KSR2: variants seen among roughly 807,000 people sequenced by gnomAD.
KSR2 encodes kinase suppressor of ras 2.
KSR2 carries 25 observed loss-of-function variants against 107.8 expected under a neutral mutation model. The ratio of observed to expected loss-of-function variants is 0.23; its 90% CI spans 0.17 to 0.32. The LOEUF (loss-of-function observed/expected upper bound fraction) is 0.32. KSR2 is among the 10% of genes least tolerant of loss of function. The probability of loss-of-function intolerance (pLI) is 1.00; values close to 1 mark genes in which losing one functional copy is unlikely to be tolerated. For missense variants in KSR2, 887 were observed against 1,268.9 expected (o/e 0.70, Z 4.57); for synonymous variants, 480 against 507.0 (o/e 0.95, Z 0.71).
chr12:117,578,056 G>A (rs540533968), intron 7 of KSR2, among the ~76,000 whole-genome samples: 1 of 152,132 alleles, frequency 6.6e-6, no homozygotes, highest in Non-Finnish European at 1.5e-5. Flanking sequence ...TTGAATGGGG[G>A]TGTGGAAGAG....
At chr12:117,631,772 A>T (rs1031666926) in intron 5 of KSR2, among the ~76,000 whole-genome samples, 1 of 152,238 alleles carries the variant, frequency 6.6e-6, no homozygotes, top group Admixed American at 6.5e-5. Context: ...ATTATTTATC[A>T]AATGAAATAA....
chr12:117,857,921 G>A (rs1018121146), intron 2 of KSR2, among the ~76,000 whole-genome samples: 10 of 152,246 alleles, frequency 6.6e-5, no homozygotes, highest in African/African-American at 1.7e-4. Context: ...GTCTTCTCCC[G>A]CCCACTCCCT....
At chr12:117,697,482 C>T (rs543283116) in intron 4 of KSR2, among the ~76,000 whole-genome samples, 41 of 152,322 alleles carry the variant, frequency 2.7e-4, no homozygotes, top group Non-Finnish European at 5.0e-4. Context: ...GTGGCCCATG[C>T]CTGTAACCCT....
At chr12:117,730,468 TC>T (rs1237490247) in intron 4 of KSR2, among the ~76,000 whole-genome samples, 1 of 13,342 alleles carries the variant, frequency 7.5e-5, no homozygotes, top group Non-Finnish European at 1.5e-4. Context: ...CTCCCTCGTC[TC>T]CCCTCTCCCT....
intron 1 of KSR2, among the ~76,000 whole-genome samples, chr12:117,871,372 T>A (rs1172900575): frequency 3.9e-5 from 6 of 152,070 alleles, no homozygotes. Context: ...GAGGATCACT[T>A]GAGGTCAGGA....
chr12:117,667,453 C>T (rs773501216), intron 5 of KSR2, 21 bp downstream of exon 5: 46 of 1,602,076 alleles, frequency 2.9e-5, no homozygotes, highest in Middle Eastern at 3.6e-4. Context: ...GTTCCCAGTG[C>T]AGCCCGGCAG....
chr12:117,526,312 G>T (rs1875161681), intron 13 of KSR2, among the ~76,000 whole-genome samples: 1 of 152,184 alleles, frequency 6.6e-6, no homozygotes, highest in Non-Finnish European at 1.5e-5. Flanking sequence ...TTGCCTCTTG[G>T]ATTCTCCTGC....
Position 117,574,161 on chromosome 12 carries a change from C to T in KSR2, c.1325+4958G>A, listed in dbSNP as rs373501923. Reference sequence around the variant, plus strand: ...AGGAGTCTGCCCCAGAGGTATTGAACCTGAGATTCTAGGAGTGGAGCCCAG... The same window carrying T: ...AGGAGTCTGCCCCAGAGGTATTGAATCTGAGATTCTAGGAGTGGAGCCCAG... On this transcript the variant is annotated intron_variant, in intron 7 of 19. Coordinates refer to ENST00000339824, the MANE Select transcript of KSR2 (RefSeq NM_173598.6). Among the ~76,000 whole-genome samples the T allele has an allele frequency of 2.4e-4, 37 of 151,950 alleles. No individual in the cohort carries two copies. In the Middle Eastern group the frequency reaches 0.017, roughly 70 times the overall value.
chr12:117,760,820 G>A (rs1036339819), intron 4 of KSR2, among the ~76,000 whole-genome samples, 191 bp downstream of exon 4: 3 of 152,102 alleles, frequency 2.0e-5, no homozygotes, highest in East Asian at 1.9e-4. Flanking sequence ...TTTTTTAAAC[G>A]GCCAATTCTG....
intron 3 of KSR2, among the ~76,000 whole-genome samples, chr12:117,779,295 C>T (rs945849389): frequency 1.3e-5 from 2 of 152,196 alleles, no homozygotes; most frequent in African/African-American, 4.8e-5. Context: ...TTAATACCTG[C>T]CAACATAACT....
intron 3 of KSR2, among the ~76,000 whole-genome samples, chr12:117,786,422 C>T (rs1890077087): frequency 6.6e-6 from 1 of 152,046 alleles, no homozygotes; most frequent in Admixed American, 6.6e-5. Flanking sequence ...CAGATTATTT[C>T]ACCACCCAAG....
intron 3 of KSR2, among the ~76,000 whole-genome samples, chr12:117,795,962 T>C (rs1182327453): frequency 6.6e-6 from 1 of 152,218 alleles, no homozygotes; most frequent in Non-Finnish European, 1.5e-5. Flanking sequence ...TCTCTCACTC[T>C]GTCACCCAGG....
chr12:117,816,634 A>G (rs544874757), intron 3 of KSR2, among the ~76,000 whole-genome samples: 1 of 152,248 alleles, frequency 6.6e-6, no homozygotes, highest in South Asian at 2.1e-4. Context: ...ATTAATTTCC[A>G]CATCACTTTC....
At chr12:117,715,147 C>T (rs1565976079) in intron 4 of KSR2, among the ~76,000 whole-genome samples, 1 of 152,140 alleles carries the variant, frequency 6.6e-6, no homozygotes, top group Admixed American at 6.6e-5. Context: ...AAAAGAGACA[C>T]AATTTTCTTA....
intron 1 of KSR2, among the ~76,000 whole-genome samples, chr12:117,915,288 G>C (rs1475736847): frequency 1.2e-4 from 19 of 152,196 alleles, no homozygotes; most frequent in Admixed American, 1.2e-3. Context: ...GGCTGAAGAG[G>C]GCAAGTGAGC....
chr12:117,502,837 C>G (rs1873460400), intron 14 of KSR2, among the ~76,000 whole-genome samples: 1 of 152,128 alleles, frequency 6.6e-6, no homozygotes, highest in African/African-American at 2.4e-5. Flanking sequence ...GGAACTTCTT[C>G]CAGTTTCAAC....
intron 17 of KSR2, among the ~76,000 whole-genome samples, chr12:117,473,350 G>A (rs1004113299): frequency 1.3e-5 from 2 of 152,224 alleles, no homozygotes; most frequent in East Asian, 1.9e-4. Flanking sequence ...AATATTATCC[G>A]CCTTTCATAG....
intron 3 of KSR2, among the ~76,000 whole-genome samples, chr12:117,840,886 C>T (rs1367440035): frequency 6.6e-6 from 1 of 151,936 alleles, no homozygotes; most frequent in African/African-American, 2.4e-5. Context: ...CCTGTAATCC[C>T]AGCTACTTGG....
chr12:117,721,483 T>A (rs985786941), intron 4 of KSR2, among the ~76,000 whole-genome samples: 1 of 152,186 alleles, frequency 6.6e-6, no homozygotes, highest in Non-Finnish European at 1.5e-5. Context: ...TTATAGTTTA[T>A]ACCCAAATCT....
Sources: gnomAD v4.1 joint callset for allele counts (sites outside exome capture counted in the v4.1 genomes callset) on GRCh38, gnomAD v4.1.1 for gene constraint, MANE v1.5 for transcripts, NCBI Gene and HGNC (gene_info 2026-07-23, HGNC 2026-07-21) for gene names.